Variants in ERC1 observed in about 807,000 individuals in gnomAD.
ERC1 encodes ELKS/RAB6-interacting/CAST family member 1, also known as RAB6 interacting protein 2.
A neutral mutation model predicts 132.0 loss-of-function variants in ERC1; 56 were observed. The observed-to-expected ratio is 0.42, with a 90% confidence interval of 0.34 to 0.53. The LOEUF (loss-of-function observed/expected upper bound fraction) is 0.53, where lower values mean the gene tolerates loss of function less well. Among genes scored for constraint, ERC1 ranks in the 20% least tolerant of loss-of-function variants. The pLI is 0.03. For missense variants in ERC1, 1,202 were observed against 1,349.9 expected (o/e 0.89, Z 1.72); for synonymous variants, 478 against 476.1 (o/e 1.00, Z -0.05).
chr12:1,393,813 G>A (rs529236494), intron 16 of ERC1, among the ~76,000 whole-genome samples: 2 of 151,308 alleles, frequency 1.3e-5, no homozygotes, highest in East Asian at 3.9e-4. Context: ...AGATCACGAG[G>A]TCAGGAGATT....
At chr12:1,303,984 T>G (rs1378983395) in intron 15 of ERC1, among the ~76,000 whole-genome samples, 7 of 148,076 alleles carry the variant, frequency 4.7e-5, no homozygotes, top group Admixed American at 4.7e-4. Context: ...TTCCATTAGC[T>G]ATATCCAAGG....
chr12:1,011,292 C>T (rs1394302889), intron 1 of ERC1, among the ~76,000 whole-genome samples: 1 of 152,132 alleles, frequency 6.6e-6, no homozygotes, highest in Non-Finnish European at 1.5e-5. Context: ...GCAGCCTTGA[C>T]CTTTTGGGCT....
intron 13 of ERC1, among the ~76,000 whole-genome samples, chr12:1,247,296 A>G (rs2154311611): frequency 6.6e-6 from 1 of 151,960 alleles, no homozygotes; most frequent in African/African-American, 2.4e-5. Context: ...ACATTGGTGG[A>G]AAAACAATGA....
chr12:1,446,074 C>T (rs2093296056), intron 18 of ERC1, among the ~76,000 whole-genome samples: 1 of 152,054 alleles, frequency 6.6e-6, no homozygotes, highest in East Asian at 1.9e-4. Context: ...TGGGATTTCA[C>T]CATATGAATT....
At chr12:1,196,572 T>C (rs1233787602) in intron 12 of ERC1, among the ~76,000 whole-genome samples, 2 of 150,664 alleles carry the variant, frequency 1.3e-5, no homozygotes, top group Non-Finnish European at 3.0e-5. Flanking sequence ...CAGCTCACTA[T>C]AGCCTAGACC....
intron 17 of ERC1, among the ~76,000 whole-genome samples, chr12:1,439,638 G>A (rs73028376): frequency 0.01 from 1,548 of 152,188 alleles, 26 homozygotes; most frequent in East Asian, 0.062. Flanking sequence ...TTTTTTCCTA[G>A]TGCAGAAAAG....
At chr12:1,346,017 T>C (rs1255278085) in intron 15 of ERC1, among the ~76,000 whole-genome samples, 2 of 152,170 alleles carry the variant, frequency 1.3e-5, no homozygotes, top group African/African-American at 4.8e-5. Flanking sequence ...TCACTGCATC[T>C]GATGTTGCCC....
intron 12 of ERC1, among the ~76,000 whole-genome samples, chr12:1,235,462 A>T (rs74059707): frequency 0.028 from 4,319 of 152,332 alleles, 211 homozygotes; most frequent in African/African-American, 0.098. Flanking sequence ...ATTATTATCT[A>T]TAATGTATAA....
At chr12:1,027,190 C>T (rs910023564) in intron 1 of ERC1, among the ~76,000 whole-genome samples, 1 of 152,094 alleles carries the variant, frequency 6.6e-6, no homozygotes, top group East Asian at 1.9e-4. Flanking sequence ...TTAAAAACTG[C>T]ATTTTCTAGT....
intron 1 of ERC1, among the ~76,000 whole-genome samples, chr12:1,015,901 A>ATTACATCAGG (rs937923636): frequency 9.9e-5 from 15 of 152,230 alleles, no homozygotes; most frequent in Admixed American, 5.2e-4. Flanking sequence ...TGGGTGGTAT[A>ATTACATCAGG]TTACATCAGG....
At chr12:1,026,754 TGAA>T (rs1966957008) in intron 1 of ERC1, among the ~76,000 whole-genome samples, 1 of 152,364 alleles carries the variant, frequency 6.6e-6, no homozygotes, top group Non-Finnish European at 1.5e-5. Context: ...GCAGTACAAA[TGAA>T]GAATTATGGA....
chr12:1,284,060 C>G (rs1210209003), intron 14 of ERC1, among the ~76,000 whole-genome samples: 1 of 152,170 alleles, frequency 6.6e-6, no homozygotes, highest in African/African-American at 2.4e-5. Flanking sequence ...CCCCCTCTCC[C>G]TCCTACCCTT....
chr12:1,053,538 T>C (rs2154170255), intron 2 of ERC1, among the ~76,000 whole-genome samples: 1 of 152,386 alleles, frequency 6.6e-6, no homozygotes, highest in South Asian at 2.1e-4. Context: ...CTTTGGAAAG[T>C]ATGGACTTAA....
intron 7 of ERC1, among the ~76,000 whole-genome samples, chr12:1,124,253 C>T (rs1947901213): frequency 6.6e-6 from 1 of 151,996 alleles, no homozygotes; most frequent in Non-Finnish European, 1.5e-5. Context: ...TTTAAAATTC[C>T]CAAGAGTCAA....
chr12:1,115,046 C>T (rs1946302398), intron 6 of ERC1, among the ~76,000 whole-genome samples: 2 of 152,154 alleles, frequency 1.3e-5, no homozygotes, highest in African/African-American at 4.8e-5. Flanking sequence ...TCATCAGTGA[C>T]ACCGAAATTA....
chr12:1,373,459 C>T (rs1217922373), intron 16 of ERC1, among the ~76,000 whole-genome samples: 1 of 152,098 alleles, frequency 6.6e-6, no homozygotes, highest in African/African-American at 2.4e-5. Flanking sequence ...TAGTGGCCTC[C>T]AAAGAACATA....
intron 7 of ERC1, among the ~76,000 whole-genome samples, chr12:1,119,923 A>G (rs896122499): frequency 6.6e-6 from 1 of 152,130 alleles, no homozygotes; most frequent in African/African-American, 2.4e-5. Flanking sequence ...ACAACTTCCT[A>G]AGGTTTTTAT....
intron 16 of ERC1, among the ~76,000 whole-genome samples, chr12:1,376,537 C>G (rs1167964564): frequency 6.6e-6 from 1 of 152,174 alleles, no homozygotes; most frequent in Non-Finnish European, 1.5e-5. Context: ...CTTTACATCA[C>G]CGGGTCTTCC....
intron 17 of ERC1, among the ~76,000 whole-genome samples, chr12:1,442,203 C>G (rs1453921504): frequency 6.6e-6 from 1 of 152,226 alleles, no homozygotes; most frequent in Non-Finnish European, 1.5e-5. Context: ...GCTGAGTTTA[C>G]AGGCATGATC....
Sources: gnomAD v4.1 joint callset for allele counts (sites outside exome capture counted in the v4.1 genomes callset) on GRCh38, gnomAD v4.1.1 for gene constraint, MANE v1.5 for transcripts, NCBI Gene and HGNC (gene_info 2026-07-23, HGNC 2026-07-21) for gene names.